Variants in PARD3 observed in about 807,000 individuals in gnomAD.
PARD3 encodes the protein partitioning defective 3 homolog.
PARD3 carries 75 observed loss-of-function variants against 155.4 expected under a neutral mutation model. The ratio of observed to expected loss-of-function variants is 0.48; its 90% CI spans 0.40 to 0.58. PARD3 has a LOEUF of 0.58. PARD3 is among the 20% of genes least tolerant of loss of function. The pLI is 0.00. For synonymous variants in PARD3, 576 were observed against 610.5 expected, an observed-to-expected ratio of 0.94 and a Z score of 0.83; for missense variants, 1,642 against 1,721.7, an observed-to-expected ratio of 0.95 and a Z score of 0.82.
intron 22 of PARD3, among the ~76,000 whole-genome samples, chr10:34,174,396 C>G (rs1949943435): frequency 6.6e-6 from 1 of 152,032 alleles, no homozygotes; most frequent in African/African-American, 2.4e-5. Context: ...GTTTACAGAG[C>G]CAAGGATCCC....
chr10:34,443,122 C>T lies in PARD3; in HGVS notation c.714+7195G>A, dbSNP rs372769711. Among the ~76,000 whole-genome samples, 7 of 152,114 alleles carry T rather than the reference C, an allele frequency of 4.6e-5. No homozygotes were observed. In the East Asian group the frequency reaches 5.8e-4, roughly 13 times the overall value. ...CAGGTTGATCATCCCAGACACCCAC[C>T]ATTTTATAAGAACAAGCTAAAACCT... On this transcript the variant is annotated intron_variant, in intron 5 of 24. Coordinates refer to ENST00000374788, the MANE Select transcript of PARD3 (RefSeq NM_001184785.2).
intron 21 of PARD3, among the ~76,000 whole-genome samples, chr10:34,281,668 A>G (rs1487802701): frequency 6.6e-6 from 1 of 152,180 alleles, no homozygotes; most frequent in Non-Finnish European, 1.5e-5. Context: ...GTCACCATCT[A>G]AATAGATCTT....
intron 2 of PARD3, among the ~76,000 whole-genome samples, chr10:34,591,303 T>A (rs1372018451): frequency 1.3e-5 from 2 of 152,190 alleles, no homozygotes; most frequent in Admixed American, 6.5e-5. Context: ...TAAGTGTTTA[T>A]AATTAGTAAA....
intron 2 of PARD3, among the ~76,000 whole-genome samples, chr10:34,687,844 A>ATT (rs1564509050): frequency 1.7e-5 from 1 of 57,362 alleles, no homozygotes; most frequent in Non-Finnish European, 4.0e-5. Flanking sequence ...TACACCTGAA[A>ATT]TCTTTTTTTT....
At chr10:34,115,493 G>A (rs1946618680) in intron 24 of PARD3, among the ~76,000 whole-genome samples, 1 of 152,106 alleles carries the variant, frequency 6.6e-6, no homozygotes, top group South Asian at 2.1e-4. Flanking sequence ...AATGACAGAG[G>A]AGCAATTTTT....
chr10:34,236,545 CT>C (rs1364902665), intron 22 of PARD3, among the ~76,000 whole-genome samples: 3 of 152,030 alleles, frequency 2.0e-5, no homozygotes, highest in Non-Finnish European at 4.4e-5. Flanking sequence ...AGGTAGAAAC[CT>C]TTTGTTGCGC....
intron 22 of PARD3, among the ~76,000 whole-genome samples, chr10:34,190,256 T>C (rs1466055724): frequency 1.3e-5 from 2 of 152,184 alleles, no homozygotes. Context: ...AACAACACAA[T>C]GAATCAGACT....
At chr10:34,612,334 T>C (rs930345693) in intron 2 of PARD3, among the ~76,000 whole-genome samples, 3 of 152,140 alleles carry the variant, frequency 2.0e-5, no homozygotes, top group Non-Finnish European at 4.4e-5. Context: ...CACCAAAATA[T>C]TGAAATATAC....
At chr10:34,128,353 C>A (rs931009591) in intron 23 of PARD3, among the ~76,000 whole-genome samples, 1 of 152,150 alleles carries the variant, frequency 6.6e-6, no homozygotes, top group African/African-American at 2.4e-5. Flanking sequence ...TGATCCACTT[C>A]CATTTAAAGA....
At chr10:34,423,813 G>C (rs558135631) in intron 5 of PARD3, among the ~76,000 whole-genome samples, 1 of 152,152 alleles carries the variant, frequency 6.6e-6, no homozygotes, top group East Asian at 1.9e-4. Flanking sequence ...CAACTACCTA[G>C]GTTTTCCAGA....
At position 34,776,833 on chromosome 10, in the gene PARD3, T is replaced by TTTTGGGGGGGG. The variant is rs1564608800; in HGVS notation, c.120+38042_120+38043insCCCCCCCCAAA. 1.2e-3 allele frequency among the ~76,000 whole-genome samples: 12 copies of TTTTGGGGGGGG among 9,914 alleles called. 1 individual carries two copies. Among genetic ancestry groups the TTTTGGGGGGGG allele is most frequent in the African/African-American group, 3.4e-3 (12 of 3,488 alleles). The allele number at this position is 9,914 out of a possible 152,430, so 6.5% of individuals were successfully genotyped here. Reference sequence around the variant, plus strand: ...CCAAGTATTTTCAGTCGTGTTTTTTTGTGGGGGGGGGGGGCGGGTGGGGGA... The same window carrying TTTTGGGGGGGG: ...CCAAGTATTTTCAGTCGTGTTTTTTTTTTGGGGGGGGGTGGGGGGGGGGGGCGGGTGGGGGA... On this transcript the variant is annotated intron_variant, in intron 1 of 24. Transcript: ENST00000374788.
At chr10:34,414,433 G>T (rs528444115) in intron 5 of PARD3, among the ~76,000 whole-genome samples, 1 of 152,254 alleles carries the variant, frequency 6.6e-6, no homozygotes, top group African/African-American at 2.4e-5. Flanking sequence ...AACTTGGATA[G>T]GACTGAGAAG....
chr10:34,175,325 T>C (rs1400383073), intron 22 of PARD3, among the ~76,000 whole-genome samples: 1 of 152,214 alleles, frequency 6.6e-6, no homozygotes, highest in African/African-American at 2.4e-5. Context: ...CCTGGATAAC[T>C]TGGGAAAGCC....
At chr10:34,500,368 G>A (rs117804930) in intron 3 of PARD3, among the ~76,000 whole-genome samples, 4,751 of 152,278 alleles carry the variant, frequency 0.031, 92 homozygotes, top group Middle Eastern at 0.065. Flanking sequence ...ATGGCCTTTA[G>A]GTCAATGTGC....
At chr10:34,582,589 A>G (rs1163681374) in intron 2 of PARD3, among the ~76,000 whole-genome samples, 2 of 152,258 alleles carry the variant, frequency 1.3e-5, no homozygotes, top group African/African-American at 4.8e-5. Flanking sequence ...TCACAAAATC[A>G]TAACCATTAT....
rs140066932 is a variant in PARD3 at position 34,177,592 on chromosome 10, C to T, written c.3420-46009G>A. On this transcript the variant is annotated intron_variant, in intron 22 of 24. Transcript: ENST00000374788. The stretch of plus-strand genomic sequence containing the variant: ...TGGGTTGCTAGCTTTCAAGTCTGAC[C>T]TTTCCTTGATATCCACTTATTGTCC... Among the ~76,000 whole-genome samples the T allele has an allele frequency of 7.3e-3, 1,110 of 152,298 alleles. 14 individuals are homozygous for T. Among genetic ancestry groups the T allele is most frequent in the African/African-American group, 0.025 (1,045 of 41,558 alleles).
rs149278461 is a variant in PARD3, at chr10:34,111,200, G to A, written c.4031C>T (p.Thr1344Ile). Residue 1344 changes from threonine (T) to isoleucine (I), a missense_variant, in exon 25 of 25, where the codon ACT (threonine) becomes ATT (isoleucine). This residue lies in a region of PARD3 where 1,529 missense variants were observed against 1,587.3 expected (regional missense o/e 0.96). Coordinates refer to ENST00000374788, the MANE Select transcript of PARD3 (RefSeq NM_001184785.2). ...SQVARLNRLQ[T>I]PEKGRPFYS ...ATAGAAGGGCCTCCCTTTCTCAGGA[G>A]TCTGAAGTCTGTTCAGCCTCGCAAC... 3 of 1,586,096 alleles carry A rather than the reference G, an allele frequency of 1.9e-6. No individual in the cohort carries two copies. The African/African-American group carries it at 4.1e-5, about 21-fold the overall frequency.
At chr10:34,497,374 A>C (rs918981239) in intron 3 of PARD3, among the ~76,000 whole-genome samples, 1 of 152,234 alleles carries the variant, frequency 6.6e-6, no homozygotes, top group Admixed American at 6.5e-5. Flanking sequence ...AGTGTACAAG[A>C]GGATGTGTGC....
intron 1 of PARD3, among the ~76,000 whole-genome samples, chr10:34,710,485 C>T (rs1182013675): frequency 2.0e-5 from 3 of 152,142 alleles, no homozygotes; most frequent in Admixed American, 6.6e-5. Context: ...TTCTAGACCC[C>T]ATCTCTTCAA....
Sources: gnomAD v4.1 joint callset for allele counts (sites outside exome capture counted in the v4.1 genomes callset) on GRCh38, gnomAD v4.1.1 for gene constraint, gnomAD v4.1.1 regional missense constraint, MANE v1.5 for transcripts, NCBI Gene and HGNC (gene_info 2026-07-23, HGNC 2026-07-21) for gene names.